Variants in GFOD1 observed in about 807,000 individuals in gnomAD.
GFOD1 encodes the protein Gfo/Idh/MocA-like oxidoreductase domain containing 1.
In GFOD1, 9 loss-of-function variants were observed where a neutral mutation model predicts 25.4. The ratio of observed to expected loss-of-function variants is 0.35; its 90% CI spans 0.21 to 0.62. GFOD1 has a LOEUF of 0.62. GFOD1 is among the 20% of genes least tolerant of loss of function. GFOD1 has a pLI of 0.72. For synonymous variants in GFOD1, 253 were observed against 245.6 expected, an observed-to-expected ratio of 1.03 and a Z score of -0.28; for missense variants, 403 against 556.9, an observed-to-expected ratio of 0.72 and a Z score of 2.78.
chr6:13,365,139 C>T lies in GFOD1; in HGVS notation c.777G>A (p.Leu259=), dbSNP rs1207279186. 89 of 1,613,220 alleles carry T rather than the reference C, an allele frequency of 5.5e-5. No homozygotes were observed. The highest frequency in any genetic ancestry group is 7.4e-5 in the Non-Finnish European group (87 of 1,179,826). Residue 259 remains leucine (L), a synonymous_variant, in exon 2 of 2, where the codon CTG becomes CTA. Transcript: ENST00000379287. The surrounding 1 kb of genome is among the most constrained non-coding windows in gnomAD (Gnocchi z 9.2). ...VTVVGSAGRL[L]AVGTDLYGQR... is the part of the protein sequence containing the mutation. ...GCCCGTACAGGTCGGTGCCCACGGC[C>T]AGCAGGCGCCCGGCTGAGCCCACCA...
Position 13,358,457 on chromosome 6 carries a change from GGCA to G in GFOD1, c.*6283_*6285del. On this transcript the variant is annotated 3_prime_UTR_variant, in exon 2 of 2. Transcript: ENST00000379287. ...CAGATGAAGTACTATAAAAGCACCA[GGCA>G]GCAGACAGAAAGTCACATTTGCTAG... 4 of 152,192 alleles carry G rather than the reference GGCA, an allele frequency of 2.6e-5. No homozygotes were observed. The Middle Eastern group carries it at 0.014, about 521-fold the overall frequency. 9.4% of individuals were successfully genotyped at this position (152,192 alleles called of 1,614,324 possible).
At chr6:13,456,364 G>A (rs774428693) in intron 1 of GFOD1, among the ~76,000 whole-genome samples, 1 of 151,974 alleles carries the variant, frequency 6.6e-6, no homozygotes, top group African/African-American at 2.4e-5. Flanking sequence ...TTGCAGAGAC[G>A]GGGTTTTGCC....
intron 1 of GFOD1, among the ~76,000 whole-genome samples, chr6:13,390,637 G>A (rs1461208638): frequency 6.8e-6 from 1 of 147,884 alleles, no homozygotes; most frequent in Non-Finnish European, 1.5e-5. Context: ...TGAGGCAGGA[G>A]GATTGCTTCA....
intron 1 of GFOD1, among the ~76,000 whole-genome samples, chr6:13,455,053 C>T (rs1758164522): frequency 6.6e-6 from 1 of 152,176 alleles, no homozygotes; most frequent in African/African-American, 2.4e-5. Context: ...GTTTCGTCAT[C>T]TGAGGTCTGC....
chr6:13,383,951 C>T (rs560396), intron 1 of GFOD1, among the ~76,000 whole-genome samples: 75,513 of 152,110 alleles, frequency 0.5, 19,839 homozygotes, highest in East Asian at 0.69. Context: ...ATTGGTACTG[C>T]GCAGTGGCTC....
At chr6:13,382,349 G>T (rs1429944516) in intron 1 of GFOD1, among the ~76,000 whole-genome samples, 1 of 18,204 alleles carries the variant, frequency 5.5e-5, no homozygotes, top group East Asian at 3.0e-3. Flanking sequence ...TTGAATCATG[G>T]GGGGGGGGGT....
At chr6:13,471,369 T>C (rs1758500508) in intron 1 of GFOD1, among the ~76,000 whole-genome samples, 1 of 152,102 alleles carries the variant, frequency 6.6e-6, no homozygotes, top group Non-Finnish European at 1.5e-5. Flanking sequence ...TTAAGGAAGA[T>C]GCTACCCATG....
chr6:13,392,680 A>G (rs1373834893), intron 1 of GFOD1, among the ~76,000 whole-genome samples: 1 of 152,108 alleles, frequency 6.6e-6, no homozygotes. Context: ...GACTCTTGTC[A>G]TTTCATATTG....
chr6:13,451,636 C>T (rs1758100990), intron 1 of GFOD1, among the ~76,000 whole-genome samples: 1 of 152,180 alleles, frequency 6.6e-6, no homozygotes, highest in African/African-American at 2.4e-5. Context: ...GGCCAAGCAG[C>T]TTGCCTTGGC....
chr6:13,403,090 T>TTGTG (rs577808611), intron 1 of GFOD1, among the ~76,000 whole-genome samples: 6 of 150,784 alleles, frequency 4.0e-5, no homozygotes, highest in South Asian at 2.1e-4. Flanking sequence ...TTTTGTTTTG[T>TTGTG]TGTGTGTGTG....
intron 1 of GFOD1, among the ~76,000 whole-genome samples, chr6:13,408,822 C>G (rs1016930239): frequency 6.6e-6 from 1 of 152,042 alleles, no homozygotes; most frequent in African/African-American, 2.4e-5. Flanking sequence ...TGGTGGCTCA[C>G]GCCTGTAATC....
At chr6:13,415,872 G>T (rs1167074677) in intron 1 of GFOD1, among the ~76,000 whole-genome samples, 7 of 152,166 alleles carry the variant, frequency 4.6e-5, no homozygotes, top group Admixed American at 2.6e-4. Context: ...TATTTTTCTA[G>T]CATCAACCAT....
chr6:13,467,854 GTCCCTAGACC>G (rs1758404596), intron 1 of GFOD1, among the ~76,000 whole-genome samples: 1 of 152,172 alleles, frequency 6.6e-6, no homozygotes, highest in Non-Finnish European at 1.5e-5. Context: ...CAACGGGAGA[GTCCCTAGACC>G]TTTATTCAAC....
chr6:13,400,247 T>C (rs548662158), intron 1 of GFOD1, among the ~76,000 whole-genome samples: 1 of 152,326 alleles, frequency 6.6e-6, no homozygotes, highest in Non-Finnish European at 1.5e-5. Context: ...TTAAAATATC[T>C]ATTTATCAGT....
rs1784891351 is a variant in GFOD1 at position 13,357,894 on chromosome 6, G to C, written c.*6849C>G. ...CTTTATCCCACCAATGCAAATTGCG[G>C]AGAACAGCTGGAAGCCACGTCAGAG... On this transcript the variant is annotated 3_prime_UTR_variant, in exon 2 of 2. Transcript: ENST00000379287. 6.6e-6 allele frequency: 1 copy of C among 152,292 alleles called. No individual in the cohort carries two copies. The highest frequency in any genetic ancestry group is 2.4e-5 in the African/African-American group (1 of 41,470). The allele number at this position is 152,292 out of a possible 1,614,324, so 9.4% of individuals were successfully genotyped here.
chr6:13,409,730 G>A (rs1786035980), intron 1 of GFOD1, among the ~76,000 whole-genome samples: 1 of 152,106 alleles, frequency 6.6e-6, no homozygotes, highest in African/African-American at 2.4e-5. Flanking sequence ...GACCATCCTA[G>A]CTAACACAGT....
At chr6:13,452,500 C>T (rs888312425) in intron 1 of GFOD1, among the ~76,000 whole-genome samples, 2 of 152,134 alleles carry the variant, frequency 1.3e-5, no homozygotes, top group Admixed American at 6.5e-5. Context: ...GATCAAGGTG[C>T]CCGCAGATTC....
intron 1 of GFOD1, among the ~76,000 whole-genome samples, chr6:13,483,318 T>C (rs1758795089): frequency 1.3e-5 from 2 of 152,162 alleles, no homozygotes; most frequent in South Asian, 4.2e-4. Flanking sequence ...GACAGAGACC[T>C]GGACATGTGC....
chr6:13,393,780 C>CTTTTTTT lies in GFOD1; in HGVS notation c.254-28125_254-28119dup, dbSNP rs70989854. ...CCTTGGCCAATTTCTTTTTTCTTTT[C>CTTTTTTT]TTTTTTTTTTTTTTTTTGAGACGGA... On this transcript the variant is annotated intron_variant, in intron 1 of 1. Coordinates refer to ENST00000379287, the MANE Select transcript of GFOD1 (RefSeq NM_018988.4). Among the ~76,000 whole-genome samples, 34 of 120,242 alleles carry CTTTTTTT rather than the reference C, an allele frequency of 2.8e-4. 3 individuals are homozygous for CTTTTTTT. The highest frequency in any genetic ancestry group is 4.5e-4 in the Non-Finnish European group (27 of 60,342). 78.9% of individuals were successfully genotyped at this position (120,242 alleles called of 152,430 possible).
Sources: gnomAD v4.1 joint callset for allele counts (sites outside exome capture counted in the v4.1 genomes callset) on GRCh38, gnomAD v4.1.1 for gene constraint, Gnocchi (gnomAD v3.1) non-coding constraint, MANE v1.5 for transcripts, NCBI Gene and HGNC (gene_info 2026-07-23, HGNC 2026-07-21) for gene names.